Variants in TESPA1 observed in about 807,000 individuals in gnomAD.
TESPA1 encodes thymocyte expressed, positive selection associated 1.
Under a neutral mutation model 57.9 loss-of-function variants are expected in TESPA1, and 33 were observed. That is an observed-to-expected ratio of 0.57 (90% CI 0.43 to 0.76). The LOEUF is 0.76. Among genes scored for constraint, TESPA1 ranks in the 30% least tolerant of loss-of-function variants. TESPA1 has a pLI of 0.00. For missense variants in TESPA1, 618 were observed against 632.9 expected (o/e 0.98, Z 0.25); for synonymous variants, 227 against 228.9 (o/e 0.99, Z 0.07).
intron 10 of TESPA1, among the ~76,000 whole-genome samples, chr12:54,960,624 T>C (rs113127084): frequency 0.018 from 2,742 of 152,314 alleles, 84 homozygotes; most frequent in African/African-American, 0.061. Context: ...AACTTCAATA[T>C]GCAATCAATT....
chr12:54,983,163 T>C (rs1335138402), intron 1 of TESPA1, among the ~76,000 whole-genome samples: 2 of 152,298 alleles, frequency 1.3e-5, no homozygotes, highest in South Asian at 2.1e-4. Flanking sequence ...AAAATGACGG[T>C]TGGGGCTTCA....
At chr12:54,984,266 C>T (rs1039790709) in intron 1 of TESPA1, 2 of 152,084 alleles carry the variant, frequency 1.3e-5, no homozygotes, top group African/African-American at 4.8e-5. Flanking sequence ...CAGAGAAGAA[C>T]TTTGCAGGTG....
chr12:54,974,322 C>T, intron 2 of TESPA1, 78 bp downstream of exon 2: 1 of 1,344,748 alleles, frequency 7.4e-7, no homozygotes. Flanking sequence ...GGAACCTGTT[C>T]ACACTCTGCA....
Position 54,963,254 on chromosome 12 carries a change from A to G in TESPA1, c.656-12T>C. 1 of 1,599,688 alleles carries G rather than the reference A, an allele frequency of 6.3e-7. No individual in the cohort carries two copies. Among genetic ancestry groups the G allele is most frequent in the African/African-American group, 1.3e-5 (1 of 74,854 alleles). ...CTGCTTAAACCTGCCTGGGTACAAG[A>G]GTTAAAGATGGTAAGTCTGGGGTTC... is the stretch of plus-strand genomic sequence containing the variant. On this transcript the variant is annotated splice_polypyrimidine_tract_variant and intron_variant, in intron 8 of 10. Transcript: ENST00000449076.
At chr12:54,964,968 A>G (rs925688137) in intron 7 of TESPA1, among the ~76,000 whole-genome samples, 2 of 152,220 alleles carry the variant, frequency 1.3e-5, no homozygotes, top group African/African-American at 4.8e-5. Context: ...GTGAGGATAA[A>G]TTACTAAATT....
At chr12:54,951,756 C>A (rs1950407048) in intron 10 of TESPA1, among the ~76,000 whole-genome samples, 1 of 148,484 alleles carries the variant, frequency 6.7e-6, no homozygotes, top group South Asian at 2.4e-4. Flanking sequence ...AGAAACATCA[C>A]TTGGTTTCTA....
At position 54,969,055 on chromosome 12, in the gene TESPA1, G is replaced by GA. The variant is rs1565859536; in HGVS notation, c.207-1164_207-1163insT. Among the ~76,000 whole-genome samples, 470 of 129,816 alleles carry GA rather than the reference G, an allele frequency of 3.6e-3. 33 individuals are homozygous for GA. The highest frequency in any genetic ancestry group is 0.012 in the African/African-American group (427 of 34,794). The allele number at this position is 129,816 out of a possible 152,430, so 85.2% of individuals were successfully genotyped here. A position where few individuals can be genotyped will look rare whatever the true frequency, so the allele number is the denominator to read the frequency against. ...TATATATATATATATATGTGTGTGT[G>GA]TAGATAGATAGATATAGATATATCT... On this transcript the variant is annotated intron_variant, in intron 3 of 10. Coordinates refer to ENST00000449076, the MANE Select transcript of TESPA1 (RefSeq NM_001136030.3).
rs1383988732 is a variant in TESPA1, at chr12:54,948,974, T to G, written c.*1418A>C. 6.6e-6 allele frequency: 1 copy of G among 152,204 alleles called. No individual in the cohort carries two copies. The highest frequency in any genetic ancestry group is 1.5e-5 in the Non-Finnish European group (1 of 68,034). The allele number at this position is 152,204 out of a possible 1,614,324, so 9.4% of individuals were successfully genotyped here. On this transcript the variant is annotated 3_prime_UTR_variant, in exon 11 of 11. Transcript: ENST00000449076. Reference sequence around the variant, plus strand: ...TCCAGCCTCTTCCCAGTTTTACAACTCAGGAATATCTTTCTCTAGGACCTG... The same window carrying G: ...TCCAGCCTCTTCCCAGTTTTACAACGCAGGAATATCTTTCTCTAGGACCTG...
At chr12:54,956,840 G>A (rs1010422578) in intron 10 of TESPA1, among the ~76,000 whole-genome samples, 1 of 152,180 alleles carries the variant, frequency 6.6e-6, no homozygotes, top group Non-Finnish European at 1.5e-5. Context: ...GAAGATGGAG[G>A]GGGAAGACAG....
chr12:54,960,247 G>GAAAACC (rs1950991139), intron 10 of TESPA1, among the ~76,000 whole-genome samples: 1 of 152,124 alleles, frequency 6.6e-6, no homozygotes, highest in Non-Finnish European at 1.5e-5. Flanking sequence ...TAAAACTACA[G>GAAAACC]AAAGATTAAT....
At chr12:54,973,989 A>G in intron 2 of TESPA1, 1 of 828,058 alleles carries the variant, frequency 1.2e-6, no homozygotes, top group Non-Finnish European at 1.5e-6. Flanking sequence ...CAATTGGACA[A>G]ATAAGTCTTA....
intron 3 of TESPA1, 142 bp from the exon 4 acceptor site, chr12:54,968,034 AAGAC>A (rs1338293826): frequency 2.0e-6 from 3 of 1,528,010 alleles, no homozygotes; most frequent in African/African-American, 2.7e-5. Flanking sequence ...GGAGAAAACA[AAGAC>A]AGAGTGGTTA....
chr12:54,975,700 A>C (rs1182799075), intron 1 of TESPA1, among the ~76,000 whole-genome samples: 1 of 152,032 alleles, frequency 6.6e-6, no homozygotes, highest in East Asian at 1.9e-4. Flanking sequence ...ATAAAATAAA[A>C]TAAAATAAAA....
rs569544197 is a variant in TESPA1 at position 54,959,870 on chromosome 12, C to T, written c.*1+1298G>A. Among the ~76,000 whole-genome samples the T allele has an allele frequency of 2.6e-5, 4 of 152,270 alleles. No individual in the cohort carries two copies. In the South Asian group the frequency reaches 6.2e-4, roughly 24 times the overall value. ...TTGAAGTGCATATGACATATTGATGCCTTCTGCTATTTACCTCTTTTGTGA... is the reference window on the plus strand; with the variant it reads ...TTGAAGTGCATATGACATATTGATGTCTTCTGCTATTTACCTCTTTTGTGA... On this transcript the variant is annotated intron_variant, in intron 10 of 10. Transcript: ENST00000449076.
rs146771746 is a variant in TESPA1 at position 54,955,297 on chromosome 12, A to T, written c.*2-4907T>A. ...ACTTAATAACAAAACAAACAAATAG[A>T]TCATCCAATTAAAAAAATGGACAAA... On this transcript the variant is annotated intron_variant, in intron 10 of 10. Transcript: ENST00000449076. Among the ~76,000 whole-genome samples the T allele has an allele frequency of 3.9e-3, 589 of 152,318 alleles. 1 individual carries two copies. The highest frequency in any genetic ancestry group is 0.027 in the East Asian group (141 of 5,190).
chr12:54,965,527 G>A (rs1014165395), intron 7 of TESPA1, among the ~76,000 whole-genome samples: 20 of 152,150 alleles, frequency 1.3e-4, no homozygotes, highest in African/African-American at 3.9e-4. Context: ...ACACGAACGC[G>A]TTCCTTTTAA....
chr12:54,962,573 A>G lies in TESPA1; in HGVS notation c.1325T>C (p.Leu442Pro). 1 of 1,613,872 alleles carries G rather than the reference A, an allele frequency of 6.2e-7. No homozygotes were observed. The highest frequency in any genetic ancestry group is 8.5e-7 in the Non-Finnish European group (1 of 1,179,876). The change falls in exon 9 of 11, where the codon CTC becomes CCC. Residue 442 changes from leucine (L) to proline (P), a missense_variant. Leu to Pro is a moderately conservative substitution (Grantham distance 98, BLOSUM62 -3). Around this residue, in one of 3 missense-constraint regions of TESPA1, gnomAD observed 409 missense variants for 420.1 expected, o/e 0.97. Transcript: ENST00000449076. ...CCTGCCCATGAGATTCTTCTGGAAG[A>G]GGCTCTTTCTTGCTCTGCTCTTTCT... ...WKRKSRARKS[L>P]FQKNLMGRKV...
At chr12:54,964,233 A>C (rs1287836331) in intron 7 of TESPA1, among the ~76,000 whole-genome samples, 2 of 152,248 alleles carry the variant, frequency 1.3e-5, no homozygotes, top group African/African-American at 4.8e-5. Flanking sequence ...GTAAATATAA[A>C]AGGATTTTGA....
chr12:54,976,074 C>T (rs1565170), intron 1 of TESPA1, among the ~76,000 whole-genome samples: 51,201 of 152,042 alleles, frequency 0.34, 10,903 homozygotes, highest in East Asian at 0.89. Context: ...AATTAAATCA[C>T]TGAATGAAGT....
Sources: gnomAD v4.1 joint callset for allele counts (sites outside exome capture counted in the v4.1 genomes callset) on GRCh38, gnomAD v4.1.1 for gene constraint, gnomAD v4.1.1 regional missense constraint, MANE v1.5 for transcripts, NCBI Gene and HGNC (gene_info 2026-07-23, HGNC 2026-07-21) for gene names.